GRID1: variants seen among roughly 807,000 people sequenced by gnomAD.
The protein encoded by GRID1 is glutamate ionotropic receptor delta type subunit 1, also known as glutamate receptor ionotropic, delta-1.
A neutral mutation model predicts 98.0 loss-of-function variants in GRID1; 28 were observed. That is an observed-to-expected ratio of 0.29 (90% CI 0.21 to 0.39). The LOEUF (loss-of-function observed/expected upper bound fraction) is 0.39, where lower values mean the gene tolerates loss of function less well. Ranked by LOEUF, GRID1 falls within the 10% of genes least tolerant of loss-of-function variation. The pLI is 1.00. For missense variants in GRID1, 1,111 were observed against 1,340.5 expected, an observed-to-expected ratio of 0.83 and a Z score of 2.67; for synonymous variants, 553 against 538.5, an observed-to-expected ratio of 1.03 and a Z score of -0.37.
chr10:86,146,774 C>T (rs1486352146), intron 3 of GRID1, among the ~76,000 whole-genome samples: 1 of 152,228 alleles, frequency 6.6e-6, no homozygotes, highest in Non-Finnish European at 1.5e-5. Flanking sequence ...GAGGGTAAGA[C>T]TGACGCTGAC....
At position 86,316,720 on chromosome 10, in the gene GRID1, G is replaced by A. The variant is rs545631005; in HGVS notation, c.235+47221C>T. On this transcript the variant is annotated intron_variant, in intron 2 of 15. Transcript: ENST00000327946. ...CCTGAGCACCAGCCTTGCATCCTCC[G>A]AGGTCACTCCTGGGCGCTGCTCACC... Among the ~76,000 whole-genome samples the A allele has an allele frequency of 7.9e-5, 12 of 152,320 alleles. No homozygotes were observed. In the South Asian group the frequency reaches 2.3e-3, roughly 29 times the overall value.
chr10:86,061,548 A>C (rs1463683931), intron 4 of GRID1, among the ~76,000 whole-genome samples: 1 of 152,150 alleles, frequency 6.6e-6, no homozygotes, highest in Non-Finnish European at 1.5e-5. Flanking sequence ...AGATGCAGTC[A>C]AGACCCCTCT....
chr10:85,725,104 C>G (rs769597794), intron 10 of GRID1, among the ~76,000 whole-genome samples: 1 of 151,988 alleles, frequency 6.6e-6, no homozygotes, highest in Non-Finnish European at 1.5e-5. Flanking sequence ...GAGGCACACT[C>G]CATTTCTTCA....
At chr10:86,235,095 G>A (rs567555218) in intron 2 of GRID1, among the ~76,000 whole-genome samples, 1 of 152,232 alleles carries the variant, frequency 6.6e-6, no homozygotes, top group African/African-American at 2.4e-5. Context: ...GCCAGAGCCT[G>A]GCCAGCTCTC....
intron 8 of GRID1, among the ~76,000 whole-genome samples, chr10:85,840,996 T>C (rs1206942394): frequency 6.6e-6 from 1 of 152,176 alleles, no homozygotes; most frequent in Non-Finnish European, 1.5e-5. Flanking sequence ...CATTTTAAAA[T>C]TCATATGGAA....
At chr10:85,970,056 C>T (rs1444519085) in intron 4 of GRID1, among the ~76,000 whole-genome samples, 1 of 151,612 alleles carries the variant, frequency 6.6e-6, no homozygotes, top group Non-Finnish European at 1.5e-5. Flanking sequence ...TGTGTGACAA[C>T]AAACTAAATA....
At chr10:86,225,894 G>T (rs913565060) in intron 2 of GRID1, among the ~76,000 whole-genome samples, 1 of 152,156 alleles carries the variant, frequency 6.6e-6, no homozygotes, top group African/African-American at 2.4e-5. Context: ...CATCACGGCC[G>T]TGTGTGAGCA....
At chr10:86,227,591 C>T (rs1846374008) in intron 2 of GRID1, among the ~76,000 whole-genome samples, 1 of 152,190 alleles carries the variant, frequency 6.6e-6, no homozygotes, top group Non-Finnish European at 1.5e-5. Context: ...GTTCCCCAGT[C>T]CCTTCCCAAT....
intron 8 of GRID1, among the ~76,000 whole-genome samples, chr10:85,743,003 T>A (rs1320728608): frequency 6.6e-6 from 1 of 151,718 alleles, no homozygotes; most frequent in Non-Finnish European, 1.5e-5. Context: ...GCCAACTAGA[T>A]GCCAGTAGTG....
intron 8 of GRID1, among the ~76,000 whole-genome samples, chr10:85,767,898 C>A (rs1024300704): frequency 6.6e-5 from 10 of 152,172 alleles, no homozygotes; most frequent in Non-Finnish European, 1.3e-4. Context: ...GCTATAGTGA[C>A]TACACAGGCA....
At chr10:86,193,520 G>T (rs973884990) in intron 3 of GRID1, among the ~76,000 whole-genome samples, 1 of 151,980 alleles carries the variant, frequency 6.6e-6, no homozygotes, top group South Asian at 2.1e-4. Context: ...GGGCTTGTGG[G>T]CACACCAGAG....
intron 3 of GRID1, among the ~76,000 whole-genome samples, chr10:86,150,792 C>T (rs1589388844): frequency 6.6e-6 from 1 of 152,284 alleles, no homozygotes; most frequent in Middle Eastern, 3.4e-3. Flanking sequence ...AAATAAGAGA[C>T]TCGAGATCTT....
chr10:86,104,720 GC>G (rs1031732407), intron 4 of GRID1, among the ~76,000 whole-genome samples: 1 of 152,208 alleles, frequency 6.6e-6, no homozygotes, highest in African/African-American at 2.4e-5. Context: ...ACAGGGCTCT[GC>G]CTCTGTCCCT....
At chr10:85,967,929 CA>C (rs1425177614) in intron 4 of GRID1, among the ~76,000 whole-genome samples, 7 of 151,828 alleles carry the variant, frequency 4.6e-5, no homozygotes, top group Non-Finnish European at 1.5e-5. Context: ...AACTAGCCAG[CA>C]AAAATGAAGG....
intron 2 of GRID1, among the ~76,000 whole-genome samples, chr10:86,327,452 G>C (rs959493539): frequency 2.0e-5 from 3 of 152,258 alleles, no homozygotes; most frequent in African/African-American, 7.2e-5. Flanking sequence ...ACCCACATGA[G>C]AACAATAGCA....
chr10:85,689,010 T>C (rs1283919869), intron 12 of GRID1, among the ~76,000 whole-genome samples: 16 of 152,200 alleles, frequency 1.1e-4, no homozygotes, highest in Admixed American at 1.0e-3. Context: ...CTCTTGGTTT[T>C]AGCACTTTGT....
At chr10:85,865,936 T>TAC (rs1295636463) in intron 6 of GRID1, among the ~76,000 whole-genome samples, 3 of 112,674 alleles carry the variant, frequency 2.7e-5, no homozygotes, top group African/African-American at 7.2e-5. Context: ...TATATATATA[T>TAC]ATATATACAC....
intron 4 of GRID1, among the ~76,000 whole-genome samples, chr10:86,056,899 T>C (rs762004894): frequency 6.6e-6 from 1 of 152,210 alleles, no homozygotes; most frequent in East Asian, 1.9e-4. Flanking sequence ...CAGAGCCTCA[T>C]TTGAGATGCC....
intron 4 of GRID1, among the ~76,000 whole-genome samples, chr10:85,964,755 C>A (rs529807670): frequency 6.6e-6 from 1 of 152,066 alleles, no homozygotes; most frequent in Non-Finnish European, 1.5e-5. Flanking sequence ...TCTAAAATAC[C>A]AAAAGCAATG....
Sources: allele counts gnomAD v4.1 joint callset (sites outside exome capture counted in the v4.1 genomes callset), GRCh38; gene constraint gnomAD v4.1.1; transcripts MANE v1.5; gene names NCBI Gene and HGNC (gene_info 2026-07-23, HGNC 2026-07-21).